Variants in TAF1L observed in about 807,000 individuals in gnomAD.
TAF1L encodes the protein transcription initiation factor TFIID subunit 1-like.
TAF1L carries 30 observed loss-of-function variants against 128.8 expected under a neutral mutation model. That is an observed-to-expected ratio of 0.23 (90% CI 0.17 to 0.32). The LOEUF is 0.32. Among genes scored for constraint, TAF1L ranks in the 10% least tolerant of loss-of-function variants. TAF1L has a pLI of 1.00. For missense variants in TAF1L, 2,099 were observed against 2,253.7 expected (o/e 0.93, Z 1.39); for synonymous variants, 764 against 790.7 (o/e 0.97, Z 0.57).
In TAF1L at chr9:32,633,995, T is replaced by C. The variant is rs1822550577; in HGVS notation, c.1585A>G (p.Ile529Val). 6.2e-7 allele frequency: 1 copy of C among 1,614,068 alleles called. No homozygotes were observed. The highest frequency in any genetic ancestry group is 8.5e-7 in the Non-Finnish European group (1 of 1,180,044). ...LALDPNDENL[I>V]LEIPDEKEEA... ...TCCTTCTCATCAGGAATTTCCAAAATGAGGTTCTCATCATTGGGATCAAGT... is the reference window on the plus strand; with the variant it reads ...TCCTTCTCATCAGGAATTTCCAAAACGAGGTTCTCATCATTGGGATCAAGT... Residue 529 changes from isoleucine to valine, a missense_variant, in exon 1 of 1, where the codon ATT becomes GTT. Around this residue, in one of 4 missense-constraint regions of TAF1L, gnomAD observed 1,213 missense variants for 1,391.4 expected, o/e 0.87. Transcript: ENST00000242310.
Position 32,632,092 on chromosome 9 carries a change from T to C in TAF1L, c.3488A>G (p.Asn1163Ser), listed in dbSNP as rs371531068. The C allele has an allele frequency of 1.2e-5, 20 of 1,614,208 alleles. No individual in the cohort carries two copies. The African/African-American group carries it at 2.1e-4, about 17-fold the overall frequency. Residue 1163 changes from asparagine to serine, a missense_variant, in exon 1 of 1, where the codon AAT (asparagine) becomes AGT (serine). Asn to Ser is a conservative substitution (Grantham distance 46, BLOSUM62 1). Around this residue, in one of 4 missense-constraint regions of TAF1L, gnomAD observed 1,213 missense variants for 1,391.4 expected, o/e 0.87. Transcript: ENST00000242310. The surrounding 1 kb of genome is among the most constrained non-coding windows in gnomAD (Gnocchi z 4.4). ...GGAAGCTGTGACATCATCTCTGTGA[T>C]TGTTTCCTGATGCTGCTGAGCCTGC... Reference protein sequence around the residue: ...LVAGSAASGNNHRDDVTASMT... With the variant: ...LVAGSAASGNSHRDDVTASMT...
Position 32,634,638 on chromosome 9 carries a change from G to C in TAF1L, c.942C>G (p.Asp314Glu), listed in dbSNP as rs754335094. Residue 314 changes from aspartate (D) to glutamate (E), a missense_variant, in exon 1 of 1, where the codon GAC becomes GAG. Asp to Glu is a conservative substitution (Grantham distance 45). This residue lies in a region of TAF1L where 473 missense variants were observed against 429.6 expected (regional missense o/e 1.10). Transcript: ENST00000242310. The stretch of plus-strand genomic sequence containing the variant: ...GCTCTGGGGGTGGTGGTGGAGCATA[G>C]TCATAGTTCCACAAAGACTTCTGGC... The part of the protein sequence containing the change: ...EVSQKSLWNY[D>E]YAPPPPPEQC... 1 of 1,613,876 alleles carries C rather than the reference G, an allele frequency of 6.2e-7. No homozygotes were observed. Among genetic ancestry groups the C allele is most frequent in the African/African-American group, 1.3e-5 (1 of 74,846 alleles).
In TAF1L at chr9:32,634,498, C is replaced by T. The variant is rs966161973; in HGVS notation, c.1082G>A (p.Arg361His). ...TDTKPRVAEW[R>H]YGPARLWYDM... ...ATACCACAGTCGGGCAGGCCCATAACGCCACTCAGCCACTCTTGGTTTGGT... is the reference window on the plus strand; with the variant it reads ...ATACCACAGTCGGGCAGGCCCATAATGCCACTCAGCCACTCTTGGTTTGGT... Residue 361 changes from arginine (R) to histidine (H), a missense_variant, in exon 1 of 1, where the codon CGT becomes CAT. By Grantham distance (29) the Arg-to-His change is conservative. Transcript: ENST00000242310. The T allele has an allele frequency of 1.9e-6, 3 of 1,614,216 alleles. No homozygotes were observed. Among genetic ancestry groups the T allele is most frequent in the Admixed American group, 1.7e-5 (1 of 60,020 alleles).
Position 32,634,217 on chromosome 9 carries a change from A to T in TAF1L, c.1363T>A (p.Trp455Arg). The change falls in exon 1 of 1, where the codon TGG (tryptophan) becomes AGG (arginine). Residue 455 changes from tryptophan to arginine, a missense_variant. Trp to Arg is a moderately radical substitution (Grantham distance 101, BLOSUM62 -3). Coordinates refer to ENST00000242310, the MANE Select transcript of TAF1L (RefSeq NM_153809.2). ...TTCCTAGTCTTAATAGAAGGAAGCC[A>T]GCCTGCCAGGCTTGCACCCTGAGGT... is the stretch of plus-strand genomic sequence containing the variant. Reference protein sequence around the residue: ...TKPQGASLAGWLPSIKTRNVM... With the variant: ...TKPQGASLAGRLPSIKTRNVM... 1 of 1,614,206 alleles carries T rather than the reference A, an allele frequency of 6.2e-7. No individual in the cohort carries two copies.
rs540155519 is a variant in TAF1L, at chr9:32,632,523, C to T, written c.3057G>A (p.Leu1019=). 2 of 1,614,210 alleles carry T rather than the reference C, an allele frequency of 1.2e-6. No individual in the cohort carries two copies. Among genetic ancestry groups the T allele is most frequent in the Non-Finnish European group, 8.5e-7 (1 of 1,180,034 alleles). The change falls in exon 1 of 1, where the codon CTG becomes CTA. Residue 1019 remains leucine, a synonymous_variant. Coordinates refer to ENST00000242310, the MANE Select transcript of TAF1L (RefSeq NM_153809.2). This position sits in a 1 kb window ranked among gnomAD's most constrained non-coding sequence, Gnocchi z 4.4. ...GTDADLRRLS[L]KNAKQLLRKF... is the part of the protein sequence containing the mutation. ...TACGTAGAAGTTGCTTGGCATTTTT[C>T]AGGGAAAGGCGACGAAGGTCTGCAT...
chr9:32,634,696 T>A lies in TAF1L; in HGVS notation c.884A>T (p.Gln295Leu). ...TGATTCTACTGAGCATTCCACCTCC[T>A]GGATCTGCTCTTCCTGTATCAGCTC... ...HRELIQEEQI[Q>L]EVECSVESEV... Residue 295 changes from glutamine to leucine, a missense_variant, in exon 1 of 1, where the codon CAG (glutamine) becomes CTG (leucine). Physicochemically the swap from Gln to Leu is moderately radical, Grantham distance 113. Around this residue, in one of 4 missense-constraint regions of TAF1L, gnomAD observed 473 missense variants for 429.6 expected, o/e 1.10. Coordinates refer to ENST00000242310, the MANE Select transcript of TAF1L (RefSeq NM_153809.2). 1 of 1,614,196 alleles carries A rather than the reference T, an allele frequency of 6.2e-7. No individual in the cohort carries two copies.
chr9:32,634,921 G>A lies in TAF1L; in HGVS notation c.659C>T (p.Ala220Val). 6.2e-7 allele frequency: 1 copy of A among 1,614,154 alleles called. No individual in the cohort carries two copies. The highest frequency in any genetic ancestry group is 1.7e-5 in the Admixed American group (1 of 60,018). ...SEMGPQEATQ[A>V]ESEDGKLTLP... ...GGTCAGCTTTCCATCCTCAGATTCT[G>A]CCTGTGTTGCTTCCTGAGGTCCCAT... The change falls in exon 1 of 1, where the codon GCA (alanine) becomes GTA (valine). Residue 220 changes from alanine to valine, a missense_variant. Around this residue, in one of 4 missense-constraint regions of TAF1L, gnomAD observed 473 missense variants for 429.6 expected, o/e 1.10. Coordinates refer to ENST00000242310, the MANE Select transcript of TAF1L (RefSeq NM_153809.2).
chr9:32,631,839 T>C lies in TAF1L; in HGVS notation c.3741A>G (p.Gln1247=), dbSNP rs367641513. ...TCCGCTTAAGCCGCCTCAGTTGCTCTTGAATCCTCCGCCGTTCTTTCCGCA... is the reference window on the plus strand; with the variant it reads ...TCCGCTTAAGCCGCCTCAGTTGCTCCTGAATCCTCCGCCGTTCTTTCCGCA... ...EEMRKERRRI[Q]EQLRRLKRNQ... The change falls in exon 1 of 1, where the codon CAA becomes CAG. Residue 1247 remains glutamine, a synonymous_variant. Coordinates refer to ENST00000242310, the MANE Select transcript of TAF1L (RefSeq NM_153809.2). The surrounding 1 kb of genome is among the most constrained non-coding windows in gnomAD (Gnocchi z 4.1). 60 of 1,614,114 alleles carry C rather than the reference T, an allele frequency of 3.7e-5. No individual in the cohort carries two copies. The highest frequency in any genetic ancestry group is 4.5e-5 in the Non-Finnish European group (53 of 1,180,048).
Position 32,634,189 on chromosome 9 carries a change from A to G in TAF1L, c.1391T>C (p.Val464Ala), listed in dbSNP as rs145792098. 1.3e-5 allele frequency: 21 copies of G among 1,614,072 alleles called. No homozygotes were observed. In the African/African-American group the frequency reaches 1.9e-4, roughly 14 times the overall value. The change falls in exon 1 of 1, where the codon GTA (valine) becomes GCA (alanine). Residue 464 changes from valine (V) to alanine (A), a missense_variant. Val to Ala is a moderately conservative substitution (Grantham distance 64). This residue lies in a region of TAF1L where 1,213 missense variants were observed against 1,391.4 expected (regional missense o/e 0.87). Transcript: ENST00000242310. ...GWLPSIKTRN[V>A]MAYNVQQGFA... ...ACCTTGCTGAACATTGTAAGCCATT[A>G]CATTCCTAGTCTTAATAGAAGGAAG...
In TAF1L at chr9:32,634,089, T is replaced by A; in HGVS notation, c.1491A>T (p.Gly497=). Residue 497 remains glycine, a synonymous_variant, in exon 1 of 1, where the codon GGA becomes GGT. Transcript: ENST00000242310. ...CCCAAATGATATTGTCCTCCCAGCG[T>A]CCATACACCAGATCCTCATTGTCAA... ...FPIDNEDLVY[G]RWEDNIIWDA... is the part of the protein sequence containing the mutation. 1 of 1,614,144 alleles carries A rather than the reference T, an allele frequency of 6.2e-7. No individual in the cohort carries two copies. The highest frequency in any genetic ancestry group is 8.5e-7 in the Non-Finnish European group (1 of 1,180,036).
At position 32,632,369 on chromosome 9, in the gene TAF1L, T is replaced by C. The variant is rs748644726; in HGVS notation, c.3211A>G (p.Arg1071Gly). 4 of 1,614,214 alleles carry C rather than the reference T, an allele frequency of 2.5e-6. No homozygotes were observed. Among genetic ancestry groups the C allele is most frequent in the Admixed American group, 1.7e-5 (1 of 60,020 alleles). The part of the protein sequence containing the change: ...GPMSKFARGS[R>G]FSVAEHQERY... ...TCTTGATGCTCAGCCACAGAAAACC[T>C]TGATCCACGGGCAAATTTACTCATG... Residue 1071 changes from arginine (R) to glycine (G), a missense_variant, in exon 1 of 1, where the codon AGG (arginine) becomes GGG (glycine). Arg to Gly is a moderately radical substitution (Grantham distance 125). Around this residue, in one of 4 missense-constraint regions of TAF1L, gnomAD observed 1,213 missense variants for 1,391.4 expected, o/e 0.87. Transcript: ENST00000242310. The surrounding 1 kb of genome is among the most constrained non-coding windows in gnomAD (Gnocchi z 4.4).
At position 32,633,857 on chromosome 9, in the gene TAF1L, T is replaced by G; in HGVS notation, c.1723A>C (p.Met575Leu). ...GVIREEPQQN[M>L]SQPEVKDPWN... ...GGATCTTTCACTTCTGGCTGAGACA[T>G]GTTCTGCTGTGGTTCCTCCCTGATG... The change falls in exon 1 of 1, where the codon ATG becomes CTG. Residue 575 changes from methionine to leucine, a missense_variant. Coordinates refer to ENST00000242310, the MANE Select transcript of TAF1L (RefSeq NM_153809.2). 2 of 1,614,216 alleles carry G rather than the reference T, an allele frequency of 1.2e-6. No individual in the cohort carries two copies. Among genetic ancestry groups the G allele is most frequent in the Non-Finnish European group, 1.7e-6 (2 of 1,180,038 alleles).
Position 32,634,387 on chromosome 9 carries a change from G to C in TAF1L, c.1193C>G (p.Ser398Cys), listed in dbSNP as rs1364707421. Reference sequence around the variant, plus strand: ...TTTCCTAAATTCCTCCATCATTCTAGATTTTATCACAGGTTCATGTTGTGT... The same window carrying C: ...TTTCCTAAATTCCTCCATCATTCTACATTTTATCACAGGTTCATGTTGTGT... ...RKTQHEPVIKSRMMEEFRKLE... is the reference protein window; with the variant it reads ...RKTQHEPVIKCRMMEEFRKLE... Residue 398 changes from serine to cysteine, a missense_variant, in exon 1 of 1, where the codon TCT (serine) becomes TGT (cysteine). By Grantham distance (112) the Ser-to-Cys change is moderately radical. Coordinates refer to ENST00000242310, the MANE Select transcript of TAF1L (RefSeq NM_153809.2). The C allele has an allele frequency of 2.4e-5, 39 of 1,614,142 alleles. No homozygotes were observed. The highest frequency in any genetic ancestry group is 3.1e-5 in the Non-Finnish European group (36 of 1,180,032).
At position 32,633,247 on chromosome 9, in the gene TAF1L, T is replaced by G; in HGVS notation, c.2333A>C (p.Glu778Ala). 1.2e-6 allele frequency: 2 copies of G among 1,614,208 alleles called. No homozygotes were observed. Among genetic ancestry groups the G allele is most frequent in the Non-Finnish European group, 1.7e-6 (2 of 1,180,046 alleles). ...RAPVYLHKMPETDFLIIRTRQ... is the reference protein window; with the variant it reads ...RAPVYLHKMPATDFLIIRTRQ... The stretch of plus-strand genomic sequence containing the variant: ...TGTCCGAATGATCAGAAAATCAGTT[T>G]CTGGCATCTTATGAAGATACACTGG... Residue 778 changes from glutamate to alanine, a missense_variant, in exon 1 of 1, where the codon GAA (glutamate) becomes GCA (alanine). By Grantham distance (107) the Glu-to-Ala change is moderately radical (BLOSUM62 -1). Coordinates refer to ENST00000242310, the MANE Select transcript of TAF1L (RefSeq NM_153809.2).
At position 32,633,411 on chromosome 9, in the gene TAF1L, A is replaced by G; in HGVS notation, c.2169T>C (p.Tyr723=). ...VGMATKIKNY[Y]KRKPGKDPGA... ...CAGGATCTTTGCCAGGTTTCCGTTT[A>G]TAATAGTTCTTTATCTTGGTTGCCA... Residue 723 remains tyrosine, a synonymous_variant, in exon 1 of 1, where the codon TAT becomes TAC. Coordinates refer to ENST00000242310, the MANE Select transcript of TAF1L (RefSeq NM_153809.2). 1 of 1,614,188 alleles carries G rather than the reference A, an allele frequency of 6.2e-7. No homozygotes were observed.
chr9:32,634,444 C>T lies in TAF1L; in HGVS notation c.1136G>A (p.Ser379Asn). ...CAGTTTGAAGCCATAGTCAAACCCA[C>T]TGCCATCTTCGGAGACACCCAGCAT... ...YDMLGVSEDG[S>N]GFDYGFKLRK... The change falls in exon 1 of 1, where the codon AGT becomes AAT. Residue 379 changes from serine to asparagine, a missense_variant. This residue lies in a region of TAF1L where 1,213 missense variants were observed against 1,391.4 expected (regional missense o/e 0.87). Transcript: ENST00000242310. The T allele has an allele frequency of 6.2e-7, 1 of 1,614,204 alleles. No individual in the cohort carries two copies. The highest frequency in any genetic ancestry group is 8.5e-7 in the Non-Finnish European group (1 of 1,180,028).
Position 32,633,594 on chromosome 9 carries a change from G to C in TAF1L, c.1986C>G (p.Ile662Met). ...GTTCTCTCATCTTGGCCTTTTTTTT[G>C]ATGTGCTTTAGCAAAGGTTGGACTG... Reference protein sequence around the residue: ...PHSVQPLLKHIKKKAKMREQE... With the variant: ...PHSVQPLLKHMKKKAKMREQE... The change falls in exon 1 of 1, where the codon ATC becomes ATG. Residue 662 changes from isoleucine to methionine, a missense_variant. Coordinates refer to ENST00000242310, the MANE Select transcript of TAF1L (RefSeq NM_153809.2). 1 of 1,613,554 alleles carries C rather than the reference G, an allele frequency of 6.2e-7. No homozygotes were observed. The highest frequency in any genetic ancestry group is 8.5e-7 in the Non-Finnish European group (1 of 1,179,872).
chr9:32,633,569 G>T lies in TAF1L; in HGVS notation c.2011C>A (p.Gln671Lys), dbSNP rs1822544683. 3 of 1,614,156 alleles carry T rather than the reference G, an allele frequency of 1.9e-6. No homozygotes were observed. The South Asian group carries it at 3.3e-5, about 18-fold the overall frequency. ...CCACCACCTGAGGCTTGCCTCTCTTGTTCTCTCATCTTGGCCTTTTTTTTG... is the reference window on the plus strand; with the variant it reads ...CCACCACCTGAGGCTTGCCTCTCTTTTTCTCTCATCTTGGCCTTTTTTTTG... The part of the protein sequence containing the change: ...HIKKKAKMRE[Q>K]ERQASGGGEL... Residue 671 changes from glutamine to lysine, a missense_variant, in exon 1 of 1, where the codon CAA becomes AAA. Gln to Lys is a moderately conservative substitution (Grantham distance 53). Around this residue, in one of 4 missense-constraint regions of TAF1L, gnomAD observed 1,213 missense variants for 1,391.4 expected, o/e 0.87. Coordinates refer to ENST00000242310, the MANE Select transcript of TAF1L (RefSeq NM_153809.2).
In TAF1L at chr9:32,635,614, A is replaced by T. The variant is rs558856447; in HGVS notation, c.-35T>A. The T allele has an allele frequency of 2.0e-6, 3 of 1,473,600 alleles. No individual in the cohort carries two copies. The highest frequency in any genetic ancestry group is 2.4e-5 in the South Asian group (2 of 83,122). 91.3% of individuals were successfully genotyped at this position (1,473,600 alleles called of 1,614,324 possible). A position where few individuals can be genotyped will look rare whatever the true frequency, so the allele number is the denominator to read the frequency against. ...ATAAAACAACAGTCGCCCGGAAGTG[A>T]TCTACTTAGCTCCCTTACCCTACCA... On this transcript the variant is annotated 5_prime_UTR_variant, in exon 1 of 1. Transcript: ENST00000242310.
Sources: gnomAD v4.1 joint callset for allele counts on GRCh38, gnomAD v4.1.1 for gene constraint, gnomAD v4.1.1 regional missense constraint, Gnocchi (gnomAD v3.1) non-coding constraint, MANE v1.5 for transcripts, NCBI Gene and HGNC (gene_info 2026-07-23, HGNC 2026-07-21) for gene names.